The following SMYD3 variants were observed in gnomAD, a reference collection of about 807,000 sequenced individuals.
The protein encoded by SMYD3 is histone-lysine N-methyltransferase SMYD3.
SMYD3 carries 36 observed loss-of-function variants against 57.7 expected under a neutral mutation model. The observed-to-expected ratio is 0.62, with a 90% CI of 0.48 to 0.82. The LOEUF is 0.82. Ranked by LOEUF, SMYD3 falls within the 40% of genes least tolerant of loss-of-function variation. The pLI, the probability that SMYD3 is intolerant of heterozygous loss-of-function variation, is 0.00. For synonymous variants in SMYD3, 211 were observed against 195.0 expected, an observed-to-expected ratio of 1.08 and a Z score of -0.68; for missense variants, 515 against 538.8, an observed-to-expected ratio of 0.96 and a Z score of 0.44.
chr1:246,335,297 T>C, intron 3 of SMYD3, 70 bp downstream of exon 3: 1 of 1,295,154 alleles, frequency 7.7e-7, no homozygotes, highest in Non-Finnish European at 1.1e-6. Context: ...CTCTGAGGTA[T>C]ACCGGAAAAT....
At chr1:246,115,185 T>C (rs889126156) in intron 5 of SMYD3, among the ~76,000 whole-genome samples, 49 of 152,030 alleles carry the variant, frequency 3.2e-4, no homozygotes, top group African/African-American at 1.1e-3. Context: ...TTCCACGGAG[T>C]ACTAATCAGC....
At chr1:246,434,238 G>A (rs763532532) in intron 1 of SMYD3, among the ~76,000 whole-genome samples, 2 of 152,172 alleles carry the variant, frequency 1.3e-5, no homozygotes, top group Non-Finnish European at 2.9e-5. Context: ...AAAAGAATGT[G>A]TGACTAAGTC....
intron 5 of SMYD3, among the ~76,000 whole-genome samples, chr1:246,314,833 C>T (rs920995710): frequency 6.6e-6 from 1 of 152,172 alleles, no homozygotes; most frequent in Non-Finnish European, 1.5e-5. Flanking sequence ...AAATGTCGAA[C>T]GATACTATTC....
chr1:246,211,734 A>G (rs2063091830), intron 5 of SMYD3, among the ~76,000 whole-genome samples: 1 of 152,132 alleles, frequency 6.6e-6, no homozygotes, highest in Non-Finnish European at 1.5e-5. Flanking sequence ...ACATCTTCCA[A>G]TAAAGAAACT....
At chr1:246,162,214 G>C (rs1239213294) in intron 5 of SMYD3, among the ~76,000 whole-genome samples, 1 of 152,154 alleles carries the variant, frequency 6.6e-6, no homozygotes, top group Non-Finnish European at 1.5e-5. Flanking sequence ...ACAACTCCAA[G>C]TTGGCTAAGT....
chr1:245,917,589 A>G (rs1016432278), intron 7 of SMYD3, among the ~76,000 whole-genome samples: 1 of 152,078 alleles, frequency 6.6e-6, no homozygotes, highest in African/African-American at 2.4e-5. Flanking sequence ...GTTTACTATG[A>G]CAACCTCCCT....
chr1:246,148,146 G>A (rs536358094), intron 5 of SMYD3, among the ~76,000 whole-genome samples: 4 of 152,158 alleles, frequency 2.6e-5, no homozygotes, highest in Non-Finnish European at 5.9e-5. Flanking sequence ...GGGACTTGTG[G>A]TGCCTCGTCT....
chr1:246,412,456 A>G (rs2066991502), intron 1 of SMYD3, among the ~76,000 whole-genome samples: 1 of 152,218 alleles, frequency 6.6e-6, no homozygotes, highest in African/African-American at 2.4e-5. Flanking sequence ...AGCTAAAAAT[A>G]GTTCAGCCAT....
At chr1:246,246,770 C>G (rs973979130) in intron 5 of SMYD3, among the ~76,000 whole-genome samples, 3 of 151,284 alleles carry the variant, frequency 2.0e-5, no homozygotes, top group African/African-American at 7.3e-5. Flanking sequence ...GCCCAAATAA[C>G]AGTATTTCTG....
chr1:245,822,859 A>G (rs1357644614), intron 10 of SMYD3, among the ~76,000 whole-genome samples: 3 of 152,212 alleles, frequency 2.0e-5, no homozygotes, highest in African/African-American at 7.2e-5. Flanking sequence ...TTCCTAGGAA[A>G]GACTCTCTTC....
intron 8 of SMYD3, among the ~76,000 whole-genome samples, chr1:245,906,989 C>T (rs2054609096): frequency 6.6e-6 from 1 of 152,114 alleles, no homozygotes; most frequent in Admixed American, 6.5e-5. Flanking sequence ...CATGTTCTTA[C>T]TTATTTGTGG....
At chr1:246,393,677 A>T (rs1341516263) in intron 1 of SMYD3, among the ~76,000 whole-genome samples, 3 of 28,938 alleles carry the variant, frequency 1.0e-4, no homozygotes, top group African/African-American at 2.2e-4. Context: ...CCATCTCTAA[A>T]AAAAAAAAAA....
At chr1:245,803,894 T>C (rs944465330) in intron 10 of SMYD3, among the ~76,000 whole-genome samples, 4 of 150,556 alleles carry the variant, frequency 2.7e-5, no homozygotes, top group African/African-American at 4.9e-5. Flanking sequence ...CCCTGGACTT[T>C]CCAGTTACGT....
chr1:245,917,652 A>G (rs986056613), intron 7 of SMYD3, among the ~76,000 whole-genome samples: 2 of 152,196 alleles, frequency 1.3e-5, no homozygotes, highest in Admixed American at 6.5e-5. Flanking sequence ...GTCTAACCTC[A>G]ATGCCCTATT....
intron 10 of SMYD3, among the ~76,000 whole-genome samples, chr1:245,829,476 G>T (rs1237238673): frequency 6.6e-6 from 1 of 152,098 alleles, no homozygotes; most frequent in African/African-American, 2.4e-5. Context: ...AAGAAGACAT[G>T]TAATAACAAG....
intron 5 of SMYD3, among the ~76,000 whole-genome samples, chr1:246,300,020 TA>T (rs568588598): frequency 0.031 from 4,431 of 143,418 alleles, 111 homozygotes; most frequent in African/African-American, 0.062. Flanking sequence ...AATTAAAGTT[TA>T]AAAAAAAAAA....
chr1:245,841,759 G>A (rs762037367), intron 10 of SMYD3, among the ~76,000 whole-genome samples: 20 of 152,102 alleles, frequency 1.3e-4, no homozygotes, highest in East Asian at 1.2e-3. Flanking sequence ...AAATGATGCC[G>A]AATTCTGTTG....
chr1:246,143,164 CAAACAT>C (rs2061787410), intron 5 of SMYD3, among the ~76,000 whole-genome samples: 1 of 134,456 alleles, frequency 7.4e-6, no homozygotes, highest in African/African-American at 3.2e-5. Flanking sequence ...CACACACACA[CAAACAT>C]GCATCCTCCA....
chr1:246,240,175 T>C (rs2063582967), intron 5 of SMYD3, among the ~76,000 whole-genome samples: 1 of 152,196 alleles, frequency 6.6e-6, no homozygotes, highest in African/African-American at 2.4e-5. Context: ...CCTCCCTAGG[T>C]CCTGAATGGT....
Sources: allele counts gnomAD v4.1 joint callset (sites outside exome capture counted in the v4.1 genomes callset), GRCh38; gene constraint gnomAD v4.1.1; transcripts MANE v1.5; gene names NCBI Gene and HGNC (gene_info 2026-07-23, HGNC 2026-07-21).